Variants in SUGCT observed in about 807,000 individuals in gnomAD.
The protein encoded by SUGCT is succinyl-CoA:glutarate CoA-transferase.
Under a neutral mutation model 55.0 loss-of-function variants are expected in SUGCT, and 41 were observed. The observed-to-expected ratio is 0.74, with a 90% CI of 0.58 to 0.97. SUGCT has a LOEUF of 0.97. Among genes scored for constraint, SUGCT ranks in the 50% least tolerant of loss-of-function variants. The pLI, the probability that SUGCT is intolerant of heterozygous loss-of-function variation, is 0.00. For synonymous variants in SUGCT, 187 were observed against 200.4 expected (o/e 0.93, Z 0.56); for missense variants, 568 against 547.8 (o/e 1.04, Z -0.37).
chr7:40,682,966 T>C (rs1488693476), intron 12 of SUGCT, among the ~76,000 whole-genome samples: 1 of 152,246 alleles, frequency 6.6e-6, no homozygotes, highest in African/African-American at 2.4e-5. Flanking sequence ...TTTTTGTTGC[T>C]GTTCTTTCAC....
chr7:40,546,448 A>G (rs1394708177), intron 12 of SUGCT, among the ~76,000 whole-genome samples: 2 of 152,200 alleles, frequency 1.3e-5, no homozygotes, highest in Non-Finnish European at 2.9e-5. Flanking sequence ...AGAGTTTGCC[A>G]AAAGTCAGGG....
At chr7:40,481,404 A>G (rs1296630976) in intron 11 of SUGCT, among the ~76,000 whole-genome samples, 1 of 151,186 alleles carries the variant, frequency 6.6e-6, no homozygotes, top group Non-Finnish European at 1.5e-5. Context: ...GATATTTATT[A>G]TGAGATTATT....
chr7:40,654,771 T>G (rs933327976), intron 12 of SUGCT, among the ~76,000 whole-genome samples: 5 of 152,106 alleles, frequency 3.3e-5, no homozygotes, highest in Non-Finnish European at 5.9e-5. Context: ...GCATCTGGTG[T>G]TTCTGAAATC....
At chr7:40,661,546 T>C (rs1801300605) in intron 12 of SUGCT, among the ~76,000 whole-genome samples, 1 of 152,220 alleles carries the variant, frequency 6.6e-6, no homozygotes, top group Non-Finnish European at 1.5e-5. Context: ...GAAAACATTC[T>C]TCAAATTCAC....
At chr7:40,742,721 A>G (rs1457804380) in intron 12 of SUGCT, among the ~76,000 whole-genome samples, 4 of 152,274 alleles carry the variant, frequency 2.6e-5, no homozygotes, top group South Asian at 2.1e-4. Flanking sequence ...TTTCATGTCA[A>G]TTTGTTGTCA....
chr7:40,766,033 G>A (rs1054876599), intron 13 of SUGCT, among the ~76,000 whole-genome samples: 5 of 151,806 alleles, frequency 3.3e-5, no homozygotes, highest in Non-Finnish European at 2.9e-5. Flanking sequence ...AGTTTATTTC[G>A]GTGCTCTCCT....
At chr7:40,970,654 A>T in the SUGCT span, among the ~76,000 whole-genome samples, 1 of 152,316 alleles carries the variant, frequency 6.6e-6, no homozygotes, top group Admixed American at 6.5e-5. Context: ...AAGTGTTTTG[A>T]TGAACTTGAA....
intron 8 of SUGCT, among the ~76,000 whole-genome samples, chr7:40,310,188 T>C (rs1020874114): frequency 2.0e-5 from 3 of 152,224 alleles, no homozygotes; most frequent in Non-Finnish European, 2.9e-5. Flanking sequence ...ATCTTTGATA[T>C]GATATGTTGA....
chr7:40,348,333 G>C (rs187561780), intron 9 of SUGCT, among the ~76,000 whole-genome samples: 5 of 152,328 alleles, frequency 3.3e-5, no homozygotes, highest in Admixed American at 3.3e-4. Flanking sequence ...GGAATTTTCT[G>C]CTCTGACCAG....
intron 12 of SUGCT, among the ~76,000 whole-genome samples, chr7:40,598,042 C>T (rs1388461505): frequency 6.6e-6 from 1 of 152,174 alleles, no homozygotes; most frequent in African/African-American, 2.4e-5. Flanking sequence ...TTTTCTCCAT[C>T]TCTGTCACAT....
intron 13 of SUGCT, among the ~76,000 whole-genome samples, chr7:40,818,515 GT>G (rs1791795080): frequency 6.6e-6 from 1 of 152,228 alleles, no homozygotes; most frequent in African/African-American, 2.4e-5. Context: ...AAAAGGGGCA[GT>G]GGCTGTGGAA....
chr7:40,763,772 T>A (rs1335528248), intron 13 of SUGCT, among the ~76,000 whole-genome samples: 1 of 152,174 alleles, frequency 6.6e-6, no homozygotes, highest in Non-Finnish European at 1.5e-5. Context: ...TTTGTGGTCT[T>A]TGAAGCTTTG....
At chr7:40,141,768 T>C in intron 1 of SUGCT, 2 of 324,724 alleles carry the variant, frequency 6.2e-6, no homozygotes, top group Non-Finnish European at 6.3e-6. Flanking sequence ...TAAATAAAGG[T>C]TTGGTGCCAC....
chr7:40,924,236 C>T, the SUGCT span, among the ~76,000 whole-genome samples: 1 of 149,340 alleles, frequency 6.7e-6, no homozygotes. Context: ...ATTTTATCTT[C>T]AGCCAAGGTG....
intron 9 of SUGCT, among the ~76,000 whole-genome samples, chr7:40,429,762 C>G (rs1277637471): frequency 6.6e-6 from 1 of 152,184 alleles, no homozygotes; most frequent in Non-Finnish European, 1.5e-5. Flanking sequence ...TTGGCAATAT[C>G]CTCACAGACA....
At chr7:40,240,916 G>A (rs1249118535) in intron 7 of SUGCT, among the ~76,000 whole-genome samples, 4 of 152,180 alleles carry the variant, frequency 2.6e-5, no homozygotes, top group Non-Finnish European at 5.9e-5. Context: ...GCATTAGAGA[G>A]TAATGCATGG....
At chr7:40,155,332 C>T (rs1338831920) in intron 1 of SUGCT, among the ~76,000 whole-genome samples, 5 of 148,630 alleles carry the variant, frequency 3.4e-5, no homozygotes. Context: ...GTGTGGGACC[C>T]ACAAAGCAAA....
At chr7:40,153,671 T>G in intron 1 of SUGCT, 1 of 518,100 alleles carries the variant, frequency 1.9e-6, no homozygotes, top group South Asian at 1.4e-5. Context: ...TAGAGGGGAC[T>G]ACTTAATGTT....
chr7:40,439,772 G>A (rs1372756617), intron 9 of SUGCT, among the ~76,000 whole-genome samples: 3 of 152,178 alleles, frequency 2.0e-5, no homozygotes, highest in Non-Finnish European at 2.9e-5. Context: ...CTCATGCTGT[G>A]CTTTCAGTCC....
Sources: allele counts gnomAD v4.1 joint callset (sites outside exome capture counted in the v4.1 genomes callset), GRCh38; gene constraint gnomAD v4.1.1; transcripts MANE v1.5; gene names NCBI Gene and HGNC (gene_info 2026-07-23, HGNC 2026-07-21).